RAB7A: variants seen among roughly 807,000 people sequenced by gnomAD.
RAB7A encodes the protein ras-related protein Rab-7a.
Under a neutral mutation model 24.5 loss-of-function variants are expected in RAB7A, and 2 were observed. That is an observed-to-expected ratio of 0.08 (90% CI 0.03 to 0.26). RAB7A has a LOEUF of 0.26. Among genes scored for constraint, RAB7A ranks in the 10% least tolerant of loss-of-function variants. The pLI, the probability that RAB7A is intolerant of heterozygous loss-of-function variation, is 1.00. For synonymous variants in RAB7A, 100 were observed against 95.9 expected (o/e 1.04, Z -0.25); for missense variants, 118 against 255.7 (o/e 0.46, Z 3.67).
At chr3:128,762,345 G>C (rs2070781757) in intron 1 of RAB7A, among the ~76,000 whole-genome samples, 1 of 152,174 alleles carries the variant, frequency 6.6e-6, no homozygotes, top group Non-Finnish European at 1.5e-5. Flanking sequence ...GAATTGGAAG[G>C]AGTGTTTACT....
At chr3:128,753,075 C>G (rs2070701842) in intron 1 of RAB7A, among the ~76,000 whole-genome samples, 1 of 152,124 alleles carries the variant, frequency 6.6e-6, no homozygotes, top group Non-Finnish European at 1.5e-5. Context: ...ATAATTTCCC[C>G]AGAAGATCAT....
intron 1 of RAB7A, among the ~76,000 whole-genome samples, chr3:128,731,266 T>G (rs1383080442): frequency 6.6e-6 from 1 of 152,196 alleles, no homozygotes; most frequent in East Asian, 1.9e-4. Context: ...GAATTAACCT[T>G]AAATAACCAA....
intron 5 of RAB7A, among the ~76,000 whole-genome samples, chr3:128,808,349 G>A (rs935987980): frequency 2.6e-5 from 4 of 151,900 alleles, no homozygotes; most frequent in African/African-American, 9.7e-5. Flanking sequence ...GACAGAGTGG[G>A]ACTCTGTCTA....
intron 3 of RAB7A, among the ~76,000 whole-genome samples, chr3:128,802,741 T>C (rs1933725863): frequency 6.6e-6 from 1 of 151,992 alleles, no homozygotes; most frequent in Admixed American, 6.6e-5. Flanking sequence ...TCTCTTGACC[T>C]CATGATCTGG....
intron 1 of RAB7A, chr3:128,785,036 C>A (rs1001916947): frequency 2.0e-5 from 3 of 152,046 alleles, no homozygotes; most frequent in African/African-American, 4.8e-5. Context: ...ACTTCTACCC[C>A]CCAGGTTCTA....
At chr3:128,764,947 T>C in intron 1 of RAB7A, 1 of 1,596,134 alleles carries the variant, frequency 6.3e-7, no homozygotes, top group South Asian at 1.1e-5. Flanking sequence ...CAGGTTGATC[T>C]GGCCGTTGAT....
At chr3:128,737,825 GTTTTTTTTTTT>G (rs56027163) in intron 1 of RAB7A, among the ~76,000 whole-genome samples, 10,514 of 59,378 alleles carry the variant, frequency 0.18, 703 homozygotes, top group Middle Eastern at 0.31. Context: ...TTTTTTTGTA[GTTTTTTTTTTT>G]TTTTTTTTTT....
chr3:128,790,930 G>C (rs140771826), intron 1 of RAB7A, among the ~76,000 whole-genome samples: 2 of 152,172 alleles, frequency 1.3e-5, no homozygotes, highest in African/African-American at 4.8e-5. Context: ...AACAACCCTG[G>C]ACTTGTTTAA....
intron 5 of RAB7A, among the ~76,000 whole-genome samples, chr3:128,811,458 C>T (rs1933927033): frequency 6.6e-6 from 1 of 152,180 alleles, no homozygotes; most frequent in Non-Finnish European, 1.5e-5. Flanking sequence ...TATTATTCAG[C>T]TATAAGAAGG....
chr3:128,762,145 A>C (rs1013910856), intron 1 of RAB7A, among the ~76,000 whole-genome samples: 1 of 152,242 alleles, frequency 6.6e-6, no homozygotes, highest in African/African-American at 2.4e-5. Flanking sequence ...AATACTTTCT[A>C]TAACTTTGTG....
chr3:128,805,141 G>T (rs1194012107), intron 3 of RAB7A, among the ~76,000 whole-genome samples: 2 of 151,908 alleles, frequency 1.3e-5, no homozygotes, highest in South Asian at 2.1e-4. Flanking sequence ...TTGTTTGTTT[G>T]TTTGAGAATG....
chr3:128,740,330 G>A (rs114431655), intron 1 of RAB7A, among the ~76,000 whole-genome samples: 6,303 of 152,248 alleles, frequency 0.041, 178 homozygotes, highest in Non-Finnish European at 0.058. Flanking sequence ...GCCGTGAGCC[G>A]AGATGGCGCC....
chr3:128,743,793 T>C (rs1269446065), intron 1 of RAB7A, among the ~76,000 whole-genome samples: 3 of 87,512 alleles, frequency 3.4e-5, no homozygotes, highest in African/African-American at 1.8e-4. Flanking sequence ...TCTCTCTCTC[T>C]TTTTTTTTTT....
chr3:128,805,320 G>A (rs1022820032), intron 3 of RAB7A, among the ~76,000 whole-genome samples: 1 of 152,174 alleles, frequency 6.6e-6, no homozygotes, highest in African/African-American at 2.4e-5. Flanking sequence ...CTAGCCTGCC[G>A]AGAGGCAGTG....
chr3:128,807,528 T>C lies in RAB7A; in HGVS notation c.400-15T>C. On this transcript the variant is annotated splice_polypyrimidine_tract_variant and intron_variant, in intron 4 of 5. Transcript: ENST00000265062. ...TTCTGTCATGAGCCTATGTGCACCC[T>C]GCTTCTTCTTTCAGGTGGCCACAAA... 1 of 1,613,800 alleles carries C rather than the reference T, an allele frequency of 6.2e-7. No homozygotes were observed. Among genetic ancestry groups the C allele is most frequent in the Non-Finnish European group, 8.5e-7 (1 of 1,179,956 alleles).
chr3:128,780,249 C>T (rs916017454), intron 1 of RAB7A, among the ~76,000 whole-genome samples: 13 of 152,108 alleles, frequency 8.5e-5, no homozygotes, highest in African/African-American at 3.1e-4. Flanking sequence ...AGTGGGGATG[C>T]AAAAAGTCAG....
intron 3 of RAB7A, among the ~76,000 whole-genome samples, chr3:128,800,594 C>T (rs1404136001): frequency 2.0e-5 from 3 of 151,472 alleles, no homozygotes; most frequent in South Asian, 2.1e-4. Flanking sequence ...CATAATGAAA[C>T]TAAAAAAGAA....
At chr3:128,805,449 C>CCAA (rs1211104361) in intron 3 of RAB7A, among the ~76,000 whole-genome samples, 2 of 152,104 alleles carry the variant, frequency 1.3e-5, no homozygotes, top group Non-Finnish European at 1.5e-5. Flanking sequence ...GTATACCCAG[C>CCAA]CTTGCTCTTA....
At chr3:128,799,472 T>A (rs1358264817) in intron 3 of RAB7A, among the ~76,000 whole-genome samples, 1 of 152,202 alleles carries the variant, frequency 6.6e-6, no homozygotes, top group Non-Finnish European at 1.5e-5. Flanking sequence ...AGAAAGTACC[T>A]GGCAAATAGT....
Sources: gnomAD v4.1 joint callset for allele counts (sites outside exome capture counted in the v4.1 genomes callset) on GRCh38, gnomAD v4.1.1 for gene constraint, MANE v1.5 for transcripts, NCBI Gene and HGNC (gene_info 2026-07-23, HGNC 2026-07-21) for gene names.